Variants in SOX6 observed in about 807,000 individuals in gnomAD.
SOX6 encodes SRY-box transcription factor 6.
A neutral mutation model predicts 97.8 loss-of-function variants in SOX6; 11 were observed. The ratio of observed to expected loss-of-function variants is 0.11; its 90% confidence interval spans 0.07 to 0.19. The LOEUF (loss-of-function observed/expected upper bound fraction) is 0.19, where lower values mean the gene tolerates loss of function less well. SOX6 is among the 10% of genes least tolerant of loss of function. The probability of loss-of-function intolerance (pLI) is 1.00; values close to 1 mark genes in which losing one functional copy is unlikely to be tolerated. For missense variants in SOX6, 810 were observed against 1,039.5 expected (o/e 0.78, Z 3.04); for synonymous variants, 360 against 371.4 (o/e 0.97, Z 0.35).
In SOX6 at chr11:16,278,911, A is replaced by G. The variant is rs78816232; in HGVS notation, c.445+39535T>C. Among the ~76,000 whole-genome samples, 346 of 152,216 alleles carry G rather than the reference A, an allele frequency of 2.3e-3. 7 individuals carry two copies. In the East Asian group the frequency reaches 0.044, roughly 20 times the overall value. ...CAGTTGATCAAGCCTTCATTTTCCT[A>G]TTCTTGGATGTATAGGTTCAAATGG... On this transcript the variant is annotated intron_variant, in intron 3 of 15. Coordinates refer to ENST00000683767, the MANE Select transcript of SOX6 (RefSeq NM_001367873.1).
At chr11:16,262,959 T>C (rs976657218) in intron 3 of SOX6, among the ~76,000 whole-genome samples, 13 of 151,944 alleles carry the variant, frequency 8.6e-5, no homozygotes, top group African/African-American at 2.9e-4. Context: ...TTATTTAATA[T>C]CTACTCTATT....
intron 1 of SOX6, among the ~76,000 whole-genome samples, chr11:16,383,612 T>C (rs529764107): frequency 5.4e-4 from 82 of 152,108 alleles, no homozygotes; most frequent in African/African-American, 1.9e-3. Context: ...GCCTAGCATA[T>C]ACTAAGTGCT....
At chr11:15,996,169 A>G (rs1476856230) in intron 13 of SOX6, among the ~76,000 whole-genome samples, 2 of 152,204 alleles carry the variant, frequency 1.3e-5, no homozygotes, top group African/African-American at 4.8e-5. Context: ...ATAACATATA[A>G]AAAGGTGAAA....
chr11:16,140,243 C>T (rs1443024790), intron 6 of SOX6, among the ~76,000 whole-genome samples: 1 of 152,126 alleles, frequency 6.6e-6, no homozygotes, highest in African/African-American at 2.4e-5. Context: ...ACTGAGCTGC[C>T]ACCCAACTCA....
chr11:16,422,189 T>C (rs1859033112), intron 1 of SOX6, among the ~76,000 whole-genome samples: 1 of 152,212 alleles, frequency 6.6e-6, no homozygotes, highest in Non-Finnish European at 1.5e-5. Context: ...AAATAGTCTT[T>C]CAGATGGCAA....
intron 3 of SOX6, among the ~76,000 whole-genome samples, chr11:16,685,852 T>G (rs921737531): frequency 6.6e-6 from 1 of 152,282 alleles, no homozygotes; most frequent in Admixed American, 6.5e-5. Context: ...CTAAGCTTTC[T>G]CATACATTCT....
At chr11:16,132,436 AG>A (rs1300342778) in intron 6 of SOX6, among the ~76,000 whole-genome samples, 2,161 of 84,068 alleles carry the variant, frequency 0.026, 155 homozygotes, top group Admixed American at 0.039. Context: ...AAAGAAAGAA[AG>A]AAAGAAAAAA....
intron 12 of SOX6, among the ~76,000 whole-genome samples, chr11:16,027,912 C>T (rs572122428): frequency 2.0e-5 from 3 of 152,322 alleles, no homozygotes; most frequent in East Asian, 3.9e-4. Context: ...CTGCTATATC[C>T]GTTTCAAACA....
At chr11:16,616,324 T>C (rs1428212907) in intron 3 of SOX6, among the ~76,000 whole-genome samples, 5 of 152,116 alleles carry the variant, frequency 3.3e-5, no homozygotes, top group Admixed American at 6.5e-5. Flanking sequence ...TCTTTAAAAA[T>C]TTGATAGTTT....
At chr11:16,022,612 C>A (rs1855101273) in intron 12 of SOX6, among the ~76,000 whole-genome samples, 1 of 152,036 alleles carries the variant, frequency 6.6e-6, no homozygotes, top group African/African-American at 2.4e-5. Context: ...GGGGTTTCAC[C>A]ATGTTGGCCA....
At chr11:16,119,814 T>C (rs990198288) in intron 6 of SOX6, among the ~76,000 whole-genome samples, 7 of 152,186 alleles carry the variant, frequency 4.6e-5, no homozygotes, top group Non-Finnish European at 7.3e-5. Context: ...TGTTCTCTCT[T>C]CATTTGTCTT....
At chr11:16,567,561 CTTTTTTTT>C (rs59320140) in intron 4 of SOX6, among the ~76,000 whole-genome samples, 1 of 87,318 alleles carries the variant, frequency 1.1e-5, no homozygotes, top group African/African-American at 4.1e-5. Context: ...ATATTTTTTT[CTTTTTTTT>C]TTTTTTTTTT....
upstream of SOX6, among the ~76,000 whole-genome samples, chr11:16,481,186 G>T (rs1450201419): frequency 6.6e-6 from 1 of 151,586 alleles, no homozygotes; most frequent in Non-Finnish European, 1.5e-5. Flanking sequence ...CATGTTTATT[G>T]AACTCCATAA....
intron 6 of SOX6, among the ~76,000 whole-genome samples, chr11:16,130,451 C>T (rs1288710360): frequency 6.6e-6 from 1 of 151,806 alleles, no homozygotes; most frequent in African/African-American, 2.4e-5. Context: ...GCATATCATA[C>T]ACCATAAATA....
intron 1 of SOX6, among the ~76,000 whole-genome samples, chr11:16,348,703 C>T (rs1565104815): frequency 6.6e-6 from 1 of 152,100 alleles, no homozygotes; most frequent in Non-Finnish European, 1.5e-5. Flanking sequence ...AGCGCATTTT[C>T]CATTATAAAA....
At chr11:16,704,460 T>C (rs1848117027) in intron 3 of SOX6, among the ~76,000 whole-genome samples, 1 of 152,282 alleles carries the variant, frequency 6.6e-6, no homozygotes, top group Non-Finnish European at 1.5e-5. Flanking sequence ...CACCTTTGTA[T>C]CAGGGACTTT....
At chr11:16,478,300 C>T (rs1474025812), upstream of SOX6, among the ~76,000 whole-genome samples, 5 of 152,282 alleles carry the variant, frequency 3.3e-5, no homozygotes, top group Non-Finnish European at 5.9e-5. Flanking sequence ...ACATCCTATT[C>T]CTTCACTTCC....
At chr11:16,600,667 C>A (rs910887214) in intron 4 of SOX6, among the ~76,000 whole-genome samples, 1 of 152,146 alleles carries the variant, frequency 6.6e-6, no homozygotes, top group Non-Finnish European at 1.5e-5. Flanking sequence ...ACCCATAATG[C>A]AAATTTTGAA....
intron 3 of SOX6, among the ~76,000 whole-genome samples, chr11:16,637,587 A>T (rs1848809695): frequency 6.6e-6 from 1 of 152,218 alleles, no homozygotes; most frequent in Non-Finnish European, 1.5e-5. Context: ...GTTAGATCCC[A>T]AAAACACTGG....
Sources: allele counts gnomAD v4.1 joint callset (sites outside exome capture counted in the v4.1 genomes callset), GRCh38; gene constraint gnomAD v4.1.1; transcripts MANE v1.5; gene names NCBI Gene and HGNC (gene_info 2026-07-23, HGNC 2026-07-21).